Variants in RABL2B observed in about 807,000 individuals in gnomAD.
RABL2B encodes rab-like protein 2B.
In RABL2B, 17 loss-of-function variants were observed where a neutral mutation model predicts 26.7. The observed-to-expected ratio is 0.64, with a 90% CI of 0.44 to 0.95. RABL2B has a LOEUF of 0.95. RABL2B is among the 40% of genes least tolerant of loss of function. The pLI is 0.00. For missense variants in RABL2B, 170 were observed against 277.2 expected, an observed-to-expected ratio of 0.61 and a Z score of 2.75; for synonymous variants, 70 against 103.9, an observed-to-expected ratio of 0.67 and a Z score of 1.99.
chr22:50,773,839 T>G (rs1555920994), intron 5 of RABL2B, among the ~76,000 whole-genome samples: 1 of 151,746 alleles, frequency 6.6e-6, no homozygotes, highest in African/African-American at 2.4e-5. Context: ...AGACAATCAC[T>G]AAGTGGGAGG....
intron 1 of RABL2B, among the ~76,000 whole-genome samples, chr22:50,782,604 G>A (rs2086076063): frequency 6.6e-6 from 1 of 151,936 alleles, no homozygotes; most frequent in South Asian, 2.1e-4. Flanking sequence ...GGCATCCAGT[G>A]CCAAAGGCTG....
In RABL2B at chr22:50,768,840, G is replaced by A; in HGVS notation, c.626C>T (p.Pro209Leu). 6.2e-7 allele frequency: 1 copy of A among 1,613,386 alleles called. No individual in the cohort carries two copies. The highest frequency in any genetic ancestry group is 8.5e-7 in the Non-Finnish European group (1 of 1,179,780). ...FSLEQEEEDV[P>L]DQEQSSSIET... Reference sequence around the variant, plus strand: ...GATGCTGCTGCTCTGTTCCTGGTCTGGCACGTCCTCCTCTTCCTGCTCCAA... The same window carrying A: ...GATGCTGCTGCTCTGTTCCTGGTCTAGCACGTCCTCCTCTTCCTGCTCCAA... The change falls in exon 9 of 9, where the codon CCA becomes CTA. Residue 209 changes from proline to leucine, a missense_variant. By Grantham distance (98) the Pro-to-Leu change is moderately conservative. Coordinates refer to ENST00000691320, the MANE Select transcript of RABL2B (RefSeq NM_001130919.3).
At chr22:50,776,380 GTTC>G (rs1380641566) in intron 4 of RABL2B, among the ~76,000 whole-genome samples, 3 of 152,204 alleles carry the variant, frequency 2.0e-5, no homozygotes, top group Admixed American at 6.5e-5. Flanking sequence ...GGCCTCTTAC[GTTC>G]TTCTTCCCTG....
At chr22:50,775,895 T>C (rs781906791) in intron 4 of RABL2B, 44 bp from the exon 5 acceptor site, 9 of 1,613,870 alleles carry the variant, frequency 5.6e-6, no homozygotes, top group African/African-American at 2.7e-5. Flanking sequence ...GGTGCACTTC[T>C]GTGCAAGTCA....
chr22:50,780,819 T>C (rs541897340), intron 2 of RABL2B: 4 of 453,994 alleles, frequency 8.8e-6, no homozygotes, highest in African/African-American at 6.1e-5. Flanking sequence ...GAGACTAGCA[T>C]TGAACTTGGG....
rs1298889989 is a variant in RABL2B, at chr22:50,767,863, C to G, written c.*913G>C. ...ATAGCTAGGCCTGTCACCTGCTGTT[C>G]CTGTGATCTCAGCTTTACCTAGAAG... On this transcript the variant is annotated 3_prime_UTR_variant, in exon 9 of 9. Transcript: ENST00000691320. The G allele has an allele frequency of 1.0e-5, 4 of 400,846 alleles. No individual in the cohort carries two copies. Among genetic ancestry groups the G allele is most frequent in the African/African-American group, 8.5e-5 (4 of 47,184 alleles). The allele number at this position is 400,846 out of a possible 1,614,324, so 24.8% of individuals were successfully genotyped here. A position where few individuals can be genotyped will look rare whatever the true frequency, so the allele number is the denominator to read the frequency against.
intron 2 of RABL2B, among the ~76,000 whole-genome samples, chr22:50,779,140 G>C (rs1555926602): frequency 6.6e-6 from 1 of 151,136 alleles, no homozygotes; most frequent in Non-Finnish European, 1.5e-5. Flanking sequence ...AGCAGAAGCA[G>C]TGGAAGAATA....
chr22:50,776,856 T>C, intron 3 of RABL2B, 107 bp from the exon 4 acceptor site: 1 of 1,467,218 alleles, frequency 6.8e-7, no homozygotes, highest in South Asian at 1.3e-5. Flanking sequence ...CTCTTCTCTT[T>C]GGAGTTATTG....
chr22:50,769,420 C>G, intron 7 of RABL2B, 35 bp downstream of exon 7: 5 of 1,610,156 alleles, frequency 3.1e-6, no homozygotes, highest in Non-Finnish European at 4.2e-6. Context: ...ACCTAGCGCC[C>G]TGACCTTGCT....
intron 4 of RABL2B, among the ~76,000 whole-genome samples, chr22:50,776,153 G>A (rs2084947357): frequency 6.6e-6 from 1 of 152,132 alleles, no homozygotes; most frequent in African/African-American, 2.4e-5. Context: ...CACGTGACAC[G>A]CAGGGTCCTC....
chr22:50,782,013 T>C (rs2595139), intron 2 of RABL2B, among the ~76,000 whole-genome samples, 175 bp downstream of exon 2: 151,583 of 151,586 alleles, frequency 1, 75,790 homozygotes, highest in Middle Eastern at 1. Context: ...CCCCTCCACC[T>C]GACACACACA....
chr22:50,773,088 C>T, intron 5 of RABL2B: 1 of 1,260,062 alleles, frequency 7.9e-7, no homozygotes, highest in Non-Finnish European at 1.1e-6. Flanking sequence ...CACGGAGATG[C>T]AGCAGATGCA....
intron 2 of RABL2B, among the ~76,000 whole-genome samples, chr22:50,781,049 C>G (rs2085751054): frequency 6.6e-6 from 1 of 152,050 alleles, no homozygotes; most frequent in Non-Finnish European, 1.5e-5. Flanking sequence ...CTATAAAATA[C>G]TAAACCAGAG....
chr22:50,773,677 G>A (rs1425326514), intron 5 of RABL2B, among the ~76,000 whole-genome samples: 22 of 151,498 alleles, frequency 1.5e-4, no homozygotes, highest in Non-Finnish European at 2.8e-4. Flanking sequence ...TGAGGGAAGA[G>A]CATGAAGGAA....
chr22:50,770,154 C>G (rs2083926410), intron 5 of RABL2B, 138 bp from the exon 6 acceptor site: 1 of 1,437,880 alleles, frequency 7.0e-7, no homozygotes, highest in African/African-American at 1.4e-5. Flanking sequence ...TGCAGCCTCT[C>G]TGACCGCAGA....
chr22:50,774,967 C>T (rs1238075325), intron 5 of RABL2B, among the ~76,000 whole-genome samples: 6 of 152,152 alleles, frequency 3.9e-5, no homozygotes, highest in Non-Finnish European at 5.9e-5. Flanking sequence ...TTAGTAGAGA[C>T]GGGATTTCAC....
At chr22:50,770,315 A>G (rs1343594040) in intron 5 of RABL2B, 6 of 374,584 alleles carry the variant, frequency 1.6e-5, no homozygotes, top group Non-Finnish European at 5.0e-6. Flanking sequence ...CAGGAGTTTG[A>G]GACCAGCCTG....
intron 5 of RABL2B, among the ~76,000 whole-genome samples, chr22:50,771,045 ATTTTTTT>A (rs112046010): frequency 3.0e-5 from 4 of 134,526 alleles, no homozygotes; most frequent in Non-Finnish European, 6.4e-5. Flanking sequence ...ACTGCCCCTG[ATTTTTTT>A]TTTTTTTTTA....
chr22:50,778,011 T>A (rs1555925699), intron 2 of RABL2B, 30 bp from the exon 3 acceptor site: 11 of 1,614,070 alleles, frequency 6.8e-6, no homozygotes, highest in Admixed American at 1.7e-5. Context: ...GGTGGTCAGA[T>A]GGCGTCTCCA....
Sources: allele counts gnomAD v4.1 joint callset (sites outside exome capture counted in the v4.1 genomes callset), GRCh38; gene constraint gnomAD v4.1.1; transcripts MANE v1.5; gene names NCBI Gene and HGNC (gene_info 2026-07-23, HGNC 2026-07-21).